PKIB: variants seen among roughly 807,000 people sequenced by gnomAD.
PKIB encodes the protein PKI-beta.
A neutral mutation model predicts 4.5 loss-of-function variants in PKIB; 2 were observed. That is an observed-to-expected ratio of 0.44 (90% CI 0.18 to 1.39). The LOEUF is 1.39. Ranked by LOEUF, PKIB falls within the 40% of genes most tolerant of loss-of-function variation. The pLI, the probability that PKIB is intolerant of heterozygous loss-of-function variation, is 0.27. For synonymous variants in PKIB, 38 were observed against 36.0 expected (o/e 1.06, Z -0.20); for missense variants, 94 against 92.6 (o/e 1.02, Z -0.06).
intron 4 of PKIB, among the ~76,000 whole-genome samples, chr6:122,719,982 C>T (rs1562319732): frequency 6.6e-6 from 1 of 152,016 alleles, no homozygotes; most frequent in Non-Finnish European, 1.5e-5. Context: ...CACAAGTAAG[C>T]AGTTTGAAGG....
At chr6:122,665,891 C>T (rs1777204013) in intron 2 of PKIB, among the ~76,000 whole-genome samples, 1 of 152,094 alleles carries the variant, frequency 6.6e-6, no homozygotes, top group African/African-American at 2.4e-5. Flanking sequence ...ACAGTTTTTC[C>T]TTCGGTATAA....
At chr6:122,659,736 T>A (rs1776913868) in intron 2 of PKIB, among the ~76,000 whole-genome samples, 1 of 152,170 alleles carries the variant, frequency 6.6e-6, no homozygotes, top group South Asian at 2.1e-4. Flanking sequence ...TCGGTAAAGT[T>A]GCCTATGTGT....
chr6:122,547,634 G>A (rs774647744), intron 2 of PKIB, among the ~76,000 whole-genome samples: 9 of 151,046 alleles, frequency 6.0e-5, no homozygotes, highest in Non-Finnish European at 8.8e-5. Flanking sequence ...CACCGCGCCC[G>A]GCCTATTCAG....
At chr6:122,553,982 AATC>A (rs1466637238) in intron 2 of PKIB, among the ~76,000 whole-genome samples, 1 of 152,204 alleles carries the variant, frequency 6.6e-6, no homozygotes, top group Non-Finnish European at 1.5e-5. Flanking sequence ...GGGAAAAATT[AATC>A]ATCAGTATAT....
At chr6:122,598,294 C>T (rs1774240008) in intron 3 of PKIB, among the ~76,000 whole-genome samples, 2 of 152,092 alleles carry the variant, frequency 1.3e-5, no homozygotes, top group South Asian at 4.1e-4. Flanking sequence ...GGCTTCCTAT[C>T]AATTTAACTT....
chr6:122,673,816 A>G (rs965028428), intron 2 of PKIB, among the ~76,000 whole-genome samples: 6 of 152,222 alleles, frequency 3.9e-5, no homozygotes, highest in African/African-American at 1.2e-4. Flanking sequence ...TTGCAGCAGA[A>G]AAGCAGACAC....
chr6:122,696,123 G>T (rs1204510663), intron 3 of PKIB, among the ~76,000 whole-genome samples: 1 of 152,280 alleles, frequency 6.6e-6, no homozygotes, highest in African/African-American at 2.4e-5. Context: ...TTAAGTTTCT[G>T]TTTTTTAAAA....
intron 2 of PKIB, among the ~76,000 whole-genome samples, chr6:122,546,862 C>G (rs1243352168): frequency 6.6e-6 from 1 of 151,962 alleles, no homozygotes; most frequent in Non-Finnish European, 1.5e-5. Flanking sequence ...AGGATGTTTT[C>G]CTTAAAGACC....
chr6:122,500,991 T>C (rs934006873), intron 2 of PKIB, among the ~76,000 whole-genome samples: 3 of 151,954 alleles, frequency 2.0e-5, no homozygotes, highest in African/African-American at 4.8e-5. Context: ...GCCCCCATGA[T>C]TCAATCACCC....
At chr6:122,629,921 G>A (rs1267716637) in intron 1 of PKIB, among the ~76,000 whole-genome samples, 6 of 152,140 alleles carry the variant, frequency 3.9e-5, no homozygotes, top group Admixed American at 3.3e-4. Context: ...CTGAAATACC[G>A]TAAGGGCGTC....
At chr6:122,480,561 AT>A (rs1775584900) in intron 2 of PKIB, 1 of 152,200 alleles carries the variant, frequency 6.6e-6, no homozygotes, top group Admixed American at 6.5e-5. Context: ...TCCAAAGGGA[AT>A]AAATTTTTTG....
rs549872773 is a variant in PKIB, at chr6:122,527,272, A to G, written c.-248+49333A>G. Among the ~76,000 whole-genome samples the G allele has an allele frequency of 8.6e-5, 13 of 152,024 alleles. No homozygotes were observed. The East Asian group carries it at 2.3e-3, about 27-fold the overall frequency. ...AGGCTGTTTTCCTTTCTTATTATTC[A>G]TGTGTTCACTAGAGTAGCACTTTTC... On this transcript the variant is annotated intron_variant, in intron 2 of 6. Coordinates refer to the PKIB transcript ENST00000392491.
At chr6:122,531,219 C>A (rs971209108) in intron 2 of PKIB, 1 of 152,086 alleles carries the variant, frequency 6.6e-6, no homozygotes, top group Non-Finnish European at 1.5e-5. Context: ...CATGGGAATT[C>A]TCTGTAAATA....
intron 2 of PKIB, among the ~76,000 whole-genome samples, chr6:122,653,546 C>G (rs144861210): frequency 2.0e-5 from 3 of 151,252 alleles, no homozygotes; most frequent in Non-Finnish European, 2.9e-5. Flanking sequence ...CCTGGTGGGG[C>G]GGGATGAGGT....
rs920969654 is a variant in PKIB, at chr6:122,701,358, T to C, written c.-8-16429T>C. ...ACAGTCACCAGGCTAGACATGGTGA[T>C]CAGAGAGCTCTAGCCTGAGCTCTGG... On this transcript the variant is annotated intron_variant, in intron 3 of 4. Coordinates refer to ENST00000368452, the MANE Select transcript of PKIB (RefSeq NM_181795.3). 2.6e-6 allele frequency: 3 copies of C among 1,162,412 alleles called. No homozygotes were observed. The Admixed American group carries it at 6.4e-5, about 25-fold the overall frequency. The allele number at this position is 1,162,412 out of a possible 1,614,324, so 72.0% of individuals were successfully genotyped here.
At position 122,675,086 on chromosome 6, in the gene PKIB, G is replaced by C. The variant is rs994432971; in HGVS notation, c.-67G>C. ...TTTTTTTTAATTTGCAGGAAAGAAA[G>C]TTTATCAGAATTTTTTAAACCTGTC... is the stretch of plus-strand genomic sequence containing the variant. On this transcript the variant is annotated 5_prime_UTR_variant, in exon 3 of 5. Transcript: ENST00000368452. 2 of 152,026 alleles carry C rather than the reference G, an allele frequency of 1.3e-5. No individual in the cohort carries two copies. The highest frequency in any genetic ancestry group is 2.9e-5 in the Non-Finnish European group (2 of 67,912). 9.4% of individuals were successfully genotyped at this position (152,026 alleles called of 1,614,324 possible). A position where few individuals can be genotyped will look rare whatever the true frequency, so the allele number is the denominator to read the frequency against.
chr6:122,583,204 A>T (rs1237662327), intron 2 of PKIB, among the ~76,000 whole-genome samples: 1 of 152,090 alleles, frequency 6.6e-6, no homozygotes, highest in Non-Finnish European at 1.5e-5. Flanking sequence ...AGAGCATTTA[A>T]TAATTTTATT....
At chr6:122,653,337 T>C (rs953895332) in intron 2 of PKIB, among the ~76,000 whole-genome samples, 3 of 152,076 alleles carry the variant, frequency 2.0e-5, no homozygotes, top group Non-Finnish European at 4.4e-5. Context: ...GTGACTAGCA[T>C]CTCCACCCAA....
At chr6:122,703,734 G>T (rs142577998) in intron 3 of PKIB, among the ~76,000 whole-genome samples, 2 of 150,670 alleles carry the variant, frequency 1.3e-5, no homozygotes, top group African/African-American at 4.9e-5. Context: ...TATGTAGAGC[G>T]TTTTTGCCAT....
Sources: gnomAD v4.1 joint callset for allele counts (sites outside exome capture counted in the v4.1 genomes callset) on GRCh38, gnomAD v4.1.1 for gene constraint, MANE v1.5 for transcripts, NCBI Gene and HGNC (gene_info 2026-07-23, HGNC 2026-07-21) for gene names.